The following KCNH1 variants were observed in gnomAD, a reference collection of about 807,000 sequenced individuals.
KCNH1 encodes the protein voltage-gated delayed rectifier potassium channel KCNH1.
A neutral mutation model predicts 69.2 loss-of-function variants in KCNH1; 27 were observed. That is an observed-to-expected ratio of 0.39 (90% CI 0.29 to 0.54). KCNH1 has a LOEUF of 0.54. KCNH1 is among the 20% of genes least tolerant of loss of function. KCNH1 has a pLI of 0.68. For synonymous variants in KCNH1, 456 were observed against 487.7 expected, an observed-to-expected ratio of 0.93 and a Z score of 0.86; for missense variants, 798 against 1,261.6, an observed-to-expected ratio of 0.63 and a Z score of 5.57.
At chr1:210,922,656 TA>T (rs1687489011) in intron 6 of KCNH1, among the ~76,000 whole-genome samples, 1 of 152,076 alleles carries the variant, frequency 6.6e-6, no homozygotes, top group Non-Finnish European at 1.5e-5. Flanking sequence ...ACCCACTATG[TA>T]AAAAGGGCTG....
chr1:210,733,105 CAATT>C (rs1682784210), intron 10 of KCNH1, among the ~76,000 whole-genome samples: 1 of 152,156 alleles, frequency 6.6e-6, no homozygotes. Context: ...ATCAAATTAT[CAATT>C]AAGCAAAGCA....
At chr1:211,057,058 G>C (rs536171406) in intron 5 of KCNH1, among the ~76,000 whole-genome samples, 2 of 152,166 alleles carry the variant, frequency 1.3e-5, no homozygotes, top group African/African-American at 4.8e-5. Context: ...CAATCCCAGA[G>C]AGACAGAGAT....
At chr1:210,712,214 C>A (rs1682093132) in intron 10 of KCNH1, among the ~76,000 whole-genome samples, 1 of 152,198 alleles carries the variant, frequency 6.6e-6, no homozygotes, top group South Asian at 2.1e-4. Context: ...AATGCTGCAC[C>A]AACCATGAGT....
intron 10 of KCNH1, among the ~76,000 whole-genome samples, chr1:210,725,625 T>C (rs1167325980): frequency 6.6e-6 from 1 of 152,172 alleles, no homozygotes; most frequent in Non-Finnish European, 1.5e-5. Flanking sequence ...GAACAGGCTT[T>C]TAATGCTGTA....
intron 7 of KCNH1, chr1:210,859,015 T>C: frequency 1.9e-6 from 1 of 525,732 alleles, no homozygotes; most frequent in South Asian, 2.5e-5. Context: ...GGTTGCATGA[T>C]CAGGTCCCAT....
intron 7 of KCNH1, among the ~76,000 whole-genome samples, chr1:210,866,010 A>G (rs540362528): frequency 1.3e-5 from 2 of 152,310 alleles, no homozygotes; most frequent in South Asian, 4.1e-4. Context: ...ATACAACTCA[A>G]TGGGGGAATA....
intron 7 of KCNH1, among the ~76,000 whole-genome samples, chr1:210,891,657 G>A (rs545724220): frequency 5.9e-5 from 9 of 151,988 alleles, no homozygotes; most frequent in African/African-American, 1.4e-4. Flanking sequence ...ACAATGTGGC[G>A]ATTCTTCAAG....
At position 210,933,369 on chromosome 1, in the gene KCNH1, G is replaced by C. The variant is rs530257770; in HGVS notation, c.1033-13300C>G. Among the ~76,000 whole-genome samples the C allele has an allele frequency of 1.1e-4, 17 of 152,184 alleles. No homozygotes were observed. The East Asian group carries it at 2.5e-3, about 23-fold the overall frequency. ...CAAACTCTGGGGACTGTTGTGGGGTGGGGGGAGCGGGGAGGGATAGCTTTC... is the reference window on the plus strand; with the variant it reads ...CAAACTCTGGGGACTGTTGTGGGGTCGGGGGAGCGGGGAGGGATAGCTTTC... On this transcript the variant is annotated intron_variant, in intron 6 of 10. Transcript: ENST00000271751.
intron 1 of KCNH1, among the ~76,000 whole-genome samples, chr1:211,112,839 C>A (rs944553003): frequency 3.3e-5 from 5 of 152,188 alleles, no homozygotes; most frequent in African/African-American, 1.2e-4. Flanking sequence ...TCCCCCATCC[C>A]TTCCCCATTC....
At chr1:211,067,772 A>G (rs555090669) in intron 5 of KCNH1, among the ~76,000 whole-genome samples, 6 of 152,246 alleles carry the variant, frequency 3.9e-5, no homozygotes, top group Non-Finnish European at 8.8e-5. Context: ...AACAACGTCC[A>G]GAAGGAATTG....
intron 6 of KCNH1, among the ~76,000 whole-genome samples, chr1:210,988,538 T>C (rs1287094716): frequency 6.6e-6 from 1 of 152,190 alleles, no homozygotes; most frequent in Non-Finnish European, 1.5e-5. Flanking sequence ...GCCATGTCTA[T>C]TGCAATAAGC....
At chr1:210,999,966 C>T (rs375344679) in intron 6 of KCNH1, among the ~76,000 whole-genome samples, 16 of 152,174 alleles carry the variant, frequency 1.1e-4, no homozygotes, top group East Asian at 1.9e-4. Flanking sequence ...ATTCAACAAC[C>T]CTTCATGTTA....
At chr1:211,002,255 TATAC>T (rs1689197448) in intron 6 of KCNH1, among the ~76,000 whole-genome samples, 1 of 144,814 alleles carries the variant, frequency 6.9e-6, no homozygotes, top group Non-Finnish European at 1.5e-5. Context: ...TACGTATATA[TATAC>T]ACACACACAC....
At position 211,133,770 on chromosome 1, in the gene KCNH1, G is replaced by A. The variant is rs1001189027; in HGVS notation, c.79+97C>T. ...CCGCGGCTCCTTAGCAGAGCTCGCGGGTTCTGCTGCATCTGCTGGCTCCGA... is the reference window on the plus strand; with the variant it reads ...CCGCGGCTCCTTAGCAGAGCTCGCGAGTTCTGCTGCATCTGCTGGCTCCGA... On this transcript the variant is annotated intron_variant, in intron 1 of 10. Coordinates refer to ENST00000271751, the MANE Select transcript of KCNH1 (RefSeq NM_172362.3). The surrounding 1 kb of genome is among the most constrained non-coding windows in gnomAD (Gnocchi z 5.4). 5 of 1,166,882 alleles carry A rather than the reference G, an allele frequency of 4.3e-6. No homozygotes were observed. The Admixed American group carries it at 9.3e-5, about 22-fold the overall frequency. 72.3% of individuals were successfully genotyped at this position (1,166,882 alleles called of 1,614,324 possible).
At chr1:210,974,752 C>T (rs572039555) in intron 6 of KCNH1, among the ~76,000 whole-genome samples, 20 of 151,772 alleles carry the variant, frequency 1.3e-4, no homozygotes, top group Non-Finnish European at 2.9e-4. Context: ...TTAGTAAAGA[C>T]GGGGTTTCAC....
At chr1:211,103,041 C>T (rs1482265850) in intron 3 of KCNH1, among the ~76,000 whole-genome samples, 1 of 152,194 alleles carries the variant, frequency 6.6e-6, no homozygotes, top group Admixed American at 6.5e-5. Flanking sequence ...ATTAACAATG[C>T]ATTGTTGTTA....
In KCNH1 at chr1:210,721,277, C is replaced by T. The variant is rs540180282; in HGVS notation, c.2113-37139G>A. Reference sequence around the variant, plus strand: ...TACAGTTAACCTGCATAACCCAGGCCCTACTGCTGTAGCTCTTGGCCACCT... The same window carrying T: ...TACAGTTAACCTGCATAACCCAGGCTCTACTGCTGTAGCTCTTGGCCACCT... On this transcript the variant is annotated intron_variant, in intron 10 of 10. Transcript: ENST00000271751. Among the ~76,000 whole-genome samples the T allele has an allele frequency of 4.6e-5, 7 of 152,234 alleles. No homozygotes were observed. The South Asian group carries it at 1.5e-3, about 32-fold the overall frequency.
intron 9 of KCNH1, among the ~76,000 whole-genome samples, chr1:210,783,105 GCA>G (rs1684022757): frequency 1.3e-5 from 2 of 152,216 alleles, no homozygotes; most frequent in Non-Finnish European, 2.9e-5. Context: ...CTTCCCAACA[GCA>G]CTGTGAAGCA....
chr1:210,691,360 G>A (rs1681524344), intron 10 of KCNH1, among the ~76,000 whole-genome samples: 1 of 152,202 alleles, frequency 6.6e-6, no homozygotes, highest in Admixed American at 6.5e-5. Context: ...CAGGCGCTGT[G>A]TTAAATGTTG....
Sources: allele counts gnomAD v4.1 joint callset (sites outside exome capture counted in the v4.1 genomes callset), GRCh38; gene constraint gnomAD v4.1.1; non-coding constraint Gnocchi (gnomAD v3.1); transcripts MANE v1.5; gene names NCBI Gene and HGNC (gene_info 2026-07-23, HGNC 2026-07-21).